The following CD1C variants were observed in gnomAD, a reference collection of about 807,000 sequenced individuals.
CD1C encodes CD1c molecule.
In CD1C, 47 loss-of-function variants were observed where a neutral mutation model predicts 39.4. The ratio of observed to expected loss-of-function variants is 1.19; its 90% CI spans 0.94 to 1.52. The LOEUF (loss-of-function observed/expected upper bound fraction) is 1.52. Ranked by LOEUF, CD1C falls within the 40% of genes most tolerant of loss-of-function variation. The pLI is 0.00. For missense variants in CD1C, 417 were observed against 395.2 expected, an observed-to-expected ratio of 1.06 and a Z score of -0.47; for synonymous variants, 165 against 150.8, an observed-to-expected ratio of 1.09 and a Z score of -0.69.
chr1:158,291,016 C>G, intron 1 of CD1C, 118 bp from the exon 2 acceptor site: 1 of 1,077,416 alleles, frequency 9.3e-7, no homozygotes, highest in Non-Finnish European at 1.3e-6. Flanking sequence ...AATGGTATAG[C>G]TAAAGTAGTC....
At position 158,292,585 on chromosome 1, in the gene CD1C, G is replaced by T; in HGVS notation, c.611-11G>T. 2 of 1,609,242 alleles carry T rather than the reference G, an allele frequency of 1.2e-6. No individual in the cohort carries two copies. The highest frequency in any genetic ancestry group is 1.7e-6 in the Non-Finnish European group (2 of 1,178,498). ...GTTTCTTCATCAGAACACTTTTTCT[G>T]CTCTCTGCAGTGAGGCCAGAAGCCT... is the stretch of plus-strand genomic sequence containing the variant. On this transcript the variant is annotated splice_polypyrimidine_tract_variant and intron_variant, in intron 3 of 5. Coordinates refer to ENST00000368170, the MANE Select transcript of CD1C (RefSeq NM_001765.3).
chr1:158,291,499 C>A, intron 2 of CD1C, 99 bp downstream of exon 2: 1 of 1,234,288 alleles, frequency 8.1e-7, no homozygotes, highest in Non-Finnish European at 1.2e-6. Flanking sequence ...TATCCCATCC[C>A]ACCATAAAAT....
At position 158,293,976 on chromosome 1, in the gene CD1C, A is replaced by T. The variant is rs3138107; in HGVS notation, c.*500A>T. Among the ~76,000 whole-genome samples, 17,781 of 152,214 alleles carry T rather than the reference A, an allele frequency of 0.12. 1,347 individuals are homozygous for T. Among genetic ancestry groups the T allele is most frequent in the East Asian group, 0.38 (1,987 of 5,176 alleles). On this transcript the variant is annotated 3_prime_UTR_variant, in exon 6 of 6. Coordinates refer to ENST00000368170, the MANE Select transcript of CD1C (RefSeq NM_001765.3). ...TGTTGTTGTAGCATTGGAAATATTC[A>T]TGCTTCTCTTTTTGTTTAAATGCTT...
rs746347936 is a variant in CD1C at position 158,290,111 on chromosome 1, G to A, written c.47G>A (p.Gly16Asp). 1 of 1,613,980 alleles carries A rather than the reference G, an allele frequency of 6.2e-7. No homozygotes were observed. Among genetic ancestry groups the A allele is most frequent in the East Asian group, 2.2e-5 (1 of 44,874 alleles). Reference protein sequence around the residue: ...FLLLALLLPGGDNADASQEHV... With the variant: ...FLLLALLLPGDDNADASQEHV... Reference sequence around the variant, plus strand: ...CTGCTAGCTCTTCTTCTCCCAGGTGGTGACAATGCAGACGGTAAGAACATC... The same window carrying A: ...CTGCTAGCTCTTCTTCTCCCAGGTGATGACAATGCAGACGGTAAGAACATC... Residue 16 changes from glycine (G) to aspartate (D), a missense_variant, in exon 1 of 6, where the codon GGT becomes GAT. Physicochemically the swap from Gly to Asp is moderately conservative, Grantham distance 94 (BLOSUM62 -1). Transcript: ENST00000368170.
chr1:158,291,938 C>A lies in CD1C; in HGVS notation c.329-146C>A, dbSNP rs534697306. ...TCCCTATCCCCAGCAATTTTTCTCT[C>A]TTGTTTCTGATCAAATATGTCTTTG... On this transcript the variant is annotated intron_variant, in intron 2 of 5. Coordinates refer to ENST00000368170, the MANE Select transcript of CD1C (RefSeq NM_001765.3). The A allele has an allele frequency of 9.2e-5, 72 of 778,838 alleles. No homozygotes were observed. In the African/African-American group the frequency reaches 1.2e-3, roughly 13 times the overall value. 48.2% of individuals were successfully genotyped at this position (778,838 alleles called of 1,614,324 possible). A position where few individuals can be genotyped will look rare whatever the true frequency, so the allele number is the denominator to read the frequency against.
At position 158,294,345 on chromosome 1, in the gene CD1C, A is replaced by G. The variant is rs1425053481; in HGVS notation, c.*869A>G. On this transcript the variant is annotated 3_prime_UTR_variant, in exon 6 of 6. Coordinates refer to ENST00000368170, the MANE Select transcript of CD1C (RefSeq NM_001765.3). ...TAGGTTTCATTCACTAATTCAACTA[A>G]TATTTTTTGGGTACTGAGTTGAGAC... is the stretch of plus-strand genomic sequence containing the variant. Among the ~76,000 whole-genome samples, 1 of 152,146 alleles carries G rather than the reference A, an allele frequency of 6.6e-6. No individual in the cohort carries two copies. The highest frequency in any genetic ancestry group is 1.5e-5 in the Non-Finnish European group (1 of 68,020).
At chr1:158,292,028 A>G (rs567793865) in intron 2 of CD1C, 56 bp from the exon 3 acceptor site, 8 of 1,533,184 alleles carry the variant, frequency 5.2e-6, no homozygotes, top group Non-Finnish European at 7.0e-6. Context: ...AGGTTTTTAT[A>G]CTGTTGTTTT....
Position 158,292,433 on chromosome 1 carries a change from T to G in CD1C, c.610+68T>G. The G allele has an allele frequency of 3.3e-6, 5 of 1,534,558 alleles. No homozygotes were observed. In the South Asian group the frequency reaches 6.2e-5, roughly 19 times the overall value. ...GTACTGCCCCTTCTGTTCCCACCCTTCAAACTCAGGACAAGAAAGAGGACA... is the reference window on the plus strand; with the variant it reads ...GTACTGCCCCTTCTGTTCCCACCCTGCAAACTCAGGACAAGAAAGAGGACA... On this transcript the variant is annotated intron_variant, in intron 3 of 5. Coordinates refer to ENST00000368170, the MANE Select transcript of CD1C (RefSeq NM_001765.3).
intron 4 of CD1C, 128 bp downstream of exon 4, chr1:158,293,002 T>G (rs1651107549): frequency 1.0e-6 from 1 of 962,952 alleles, no homozygotes. Context: ...ATTTAAAGAA[T>G]AGTGGAGTAA....
chr1:158,290,465 A>G (rs1030772669), intron 1 of CD1C, among the ~76,000 whole-genome samples: 2 of 152,172 alleles, frequency 1.3e-5, no homozygotes, highest in African/African-American at 4.8e-5. Flanking sequence ...GCAACCTTTC[A>G]ATGCCACGCA....
At chr1:158,292,018 A>C (rs1179982741) in intron 2 of CD1C, 66 bp from the exon 3 acceptor site, 13 of 1,484,084 alleles carry the variant, frequency 8.8e-6, no homozygotes, top group Admixed American at 4.2e-5. Context: ...ATACAGCCCT[A>C]GGTTTTTATA....
At position 158,291,304 on chromosome 1, in the gene CD1C, A is replaced by T; in HGVS notation, c.232A>T (p.Asn78Tyr). Residue 78 changes from asparagine to tyrosine, a missense_variant, in exon 2 of 6, where the codon AAT becomes TAT. Transcript: ENST00000368170. ...TAACTGGTCCAAGGGCAACTTCAGC[A>T]ATGAAGAGTTGTCAGACCTAGAGTT... ...LHNWSKGNFSNEELSDLELLF... is the reference protein window; with the variant it reads ...LHNWSKGNFSYEELSDLELLF... 6.2e-7 allele frequency: 1 copy of T among 1,614,146 alleles called. No individual in the cohort carries two copies. The highest frequency in any genetic ancestry group is 8.5e-7 in the Non-Finnish European group (1 of 1,179,992).
chr1:158,292,310 C>T lies in CD1C; in HGVS notation c.555C>T (p.Cys185=). The change falls in exon 3 of 6, where the codon TGC becomes TGT. Residue 185 remains cysteine, a synonymous_variant. Transcript: ENST00000368170. ...TGTATAATCTCATAAGAAGCACTTG[C>T]CCCCGATTTCTCTTGGGTCTCCTGG... ...ETVYNLIRST[C]PRFLLGLLDA... The T allele has an allele frequency of 6.2e-7, 1 of 1,614,110 alleles. No individual in the cohort carries two copies. The highest frequency in any genetic ancestry group is 1.1e-5 in the South Asian group (1 of 91,078).
rs571486356 is a variant in CD1C, at chr1:158,291,105, T to C, written c.62-29T>C. 4 of 1,596,588 alleles carry C rather than the reference T, an allele frequency of 2.5e-6. No individual in the cohort carries two copies. The South Asian group carries it at 4.5e-5, about 18-fold the overall frequency. The stretch of plus-strand genomic sequence containing the variant: ...TTGCCTCTCTTTTTTTTTTTTTCCT[T>C]ACACTACTTGCCCTTCTTCCACCAA... On this transcript the variant is annotated intron_variant, in intron 1 of 5. Transcript: ENST00000368170.
intron 4 of CD1C, 58 bp downstream of exon 4, chr1:158,292,932 G>T: frequency 6.4e-7 from 1 of 1,561,654 alleles, no homozygotes; most frequent in Non-Finnish European, 8.7e-7. Flanking sequence ...GGTTAGGGGA[G>T]AGGAAATTTT....
At chr1:158,292,925 T>A in intron 4 of CD1C, 51 bp downstream of exon 4, 1 of 1,575,476 alleles carries the variant, frequency 6.3e-7, no homozygotes, top group Non-Finnish European at 8.7e-7. Context: ...GCCTAGAGGT[T>A]AGGGGAGAGG....
chr1:158,293,138 A>T (rs1651111630), intron 4 of CD1C, 74 bp from the exon 5 acceptor site: 6 of 1,199,988 alleles, frequency 5.0e-6, no homozygotes, highest in Admixed American at 1.9e-5. Flanking sequence ...TATGTTAAGT[A>T]AGGAAATCAA....
chr1:158,293,510 A>G lies in CD1C; in HGVS notation c.*34A>G. On this transcript the variant is annotated 3_prime_UTR_variant, in exon 6 of 6. Coordinates refer to ENST00000368170, the MANE Select transcript of CD1C (RefSeq NM_001765.3). ...CCCCTGACTCCCCCATTGTGTTAAG[A>G]ACCCAGCAACCCAGGAGCCTAGTAC... 1 of 1,614,010 alleles carries G rather than the reference A, an allele frequency of 6.2e-7. No homozygotes were observed. The highest frequency in any genetic ancestry group is 8.5e-7 in the Non-Finnish European group (1 of 1,179,906).
rs1233497444 is a variant in CD1C at position 158,292,146 on chromosome 1, T to A, written c.391T>A (p.Phe131Ile). The change falls in exon 3 of 6, where the codon TTC (phenylalanine) becomes ATC (isoleucine). Residue 131 changes from phenylalanine (F) to isoleucine (I), a missense_variant. By Grantham distance (21) the Phe-to-Ile change is conservative. Transcript: ENST00000368170. ...GCATTCTGGAAAGAGCCCAGAAGGC[T>A]TCTTTCAGGTAGCTTTCAACGGATT... ...ELHSGKSPEGFFQVAFNGLDL... is the reference protein window; with the variant it reads ...ELHSGKSPEGIFQVAFNGLDL... The A allele has an allele frequency of 2.2e-5, 36 of 1,614,028 alleles. No individual in the cohort carries two copies. Among genetic ancestry groups the A allele is most frequent in the Non-Finnish European group, 2.9e-5 (34 of 1,179,984 alleles).
Sources: gnomAD v4.1 joint callset for allele counts (sites outside exome capture counted in the v4.1 genomes callset) on GRCh38, gnomAD v4.1.1 for gene constraint, MANE v1.5 for transcripts, NCBI Gene and HGNC (gene_info 2026-07-23, HGNC 2026-07-21) for gene names.